Variants in IPO7 observed in about 807,000 individuals in gnomAD.
IPO7 encodes the protein importin 7, also known as importin-7.
A neutral mutation model predicts 136.4 loss-of-function variants in IPO7; 13 were observed. The observed-to-expected ratio is 0.10, with a 90% confidence interval of 0.06 to 0.15. IPO7 has a LOEUF of 0.15. IPO7 is among the 10% of genes least tolerant of loss of function. IPO7 has a pLI of 1.00. For missense variants in IPO7, 857 were observed against 1,240.6 expected, an observed-to-expected ratio of 0.69 and a Z score of 4.65; for synonymous variants, 403 against 404.4, an observed-to-expected ratio of 1.00 and a Z score of 0.04.
chr11:9,399,457 G>T (rs944003914), intron 1 of IPO7, among the ~76,000 whole-genome samples: 1 of 152,028 alleles, frequency 6.6e-6, no homozygotes, highest in Non-Finnish European at 1.5e-5. Context: ...CACCGCGCCC[G>T]GCAGCATTTT....
At chr11:9,391,049 C>A (rs1854625934) in intron 1 of IPO7, among the ~76,000 whole-genome samples, 1 of 152,110 alleles carries the variant, frequency 6.6e-6, no homozygotes, top group Admixed American at 6.5e-5. Flanking sequence ...GGATTACAGG[C>A]ATGAATCACA....
In IPO7 at chr11:9,384,697, G is replaced by C; in HGVS notation, c.-67G>C. On this transcript the variant is annotated 5_prime_UTR_variant, in exon 1 of 25. Transcript: ENST00000379719. ...TGCGGAGCGCGGCGGGTCCATGTGCGCAGTGAGTGGCGCTATTCCTGGCCC... is the reference window on the plus strand; with the variant it reads ...TGCGGAGCGCGGCGGGTCCATGTGCCCAGTGAGTGGCGCTATTCCTGGCCC... The C allele has an allele frequency of 7.5e-7, 1 of 1,327,764 alleles. No individual in the cohort carries two copies. Among genetic ancestry groups the C allele is most frequent in the East Asian group, 2.7e-5 (1 of 37,588 alleles). 82.2% of individuals were successfully genotyped at this position (1,327,764 alleles called of 1,614,324 possible). A position where few individuals can be genotyped will look rare whatever the true frequency, so the allele number is the denominator to read the frequency against.
intron 24 of IPO7, among the ~76,000 whole-genome samples, chr11:9,444,827 ACT>A (rs1185691660): frequency 1.4e-5 from 2 of 142,470 alleles, no homozygotes; most frequent in Non-Finnish European, 3.0e-5. Context: ...ACAGAGCCAG[ACT>A]CTGTCTCAAA....
chr11:9,432,468 A>G (rs1028820431), intron 16 of IPO7, among the ~76,000 whole-genome samples: 2 of 152,136 alleles, frequency 1.3e-5, no homozygotes, highest in Non-Finnish European at 1.5e-5. Flanking sequence ...CCCAAAGTGC[A>G]GAAATTACAG....
At chr11:9,389,127 C>T (rs1348764455) in intron 1 of IPO7, among the ~76,000 whole-genome samples, 1 of 151,804 alleles carries the variant, frequency 6.6e-6, no homozygotes, top group Non-Finnish European at 1.5e-5. Flanking sequence ...GATCTTGGCT[C>T]ACTGTAGCCT....
At chr11:9,438,629 T>TA (rs199574856) in intron 22 of IPO7, among the ~76,000 whole-genome samples, 11 of 150,568 alleles carry the variant, frequency 7.3e-5, no homozygotes, top group East Asian at 1.9e-4. Context: ...CATCTCAGAT[T>TA]AAAAAAAAAT....
At chr11:9,436,199 A>G (rs1039121272) in intron 19 of IPO7, 72 bp from the exon 20 acceptor site, 4 of 1,027,434 alleles carry the variant, frequency 3.9e-6, no homozygotes, top group Non-Finnish European at 6.1e-6. Context: ...AGGGTAGGAA[A>G]TTGTTTCCTT....
chr11:9,426,338 T>C (rs906863999), intron 12 of IPO7, among the ~76,000 whole-genome samples: 2 of 152,370 alleles, frequency 1.3e-5, no homozygotes, highest in East Asian at 1.9e-4. Flanking sequence ...ATCTGTGTTA[T>C]AGCAGGTTTC....
rs765192035 is a variant in IPO7 at position 9,440,569 on chromosome 11, C to T, written c.2810C>T (p.Ala937Val). ...GATGAAGATTGGGAAGAAGATGATG[C>T]TGAAGAGACTGCTCTGGAAGGCTAT... ...GDDEDWEEDD[A>V]EETALEGYST... is the part of the protein sequence containing the mutation. Residue 937 changes from alanine (A) to valine (V), a missense_variant, in exon 23 of 25, where the codon GCT (alanine) becomes GTT (valine). Physicochemically the swap from Ala to Val is moderately conservative, Grantham distance 64. Around this residue, in one of 11 missense-constraint regions of IPO7, gnomAD observed 119 missense variants for 155.5 expected, o/e 0.77. Transcript: ENST00000379719. 6.2e-7 allele frequency: 1 copy of T among 1,613,810 alleles called. No homozygotes were observed. Among genetic ancestry groups the T allele is most frequent in the Non-Finnish European group, 8.5e-7 (1 of 1,179,744 alleles).
intron 1 of IPO7, among the ~76,000 whole-genome samples, chr11:9,401,231 T>C (rs1854791189): frequency 6.6e-6 from 1 of 151,566 alleles, no homozygotes; most frequent in African/African-American, 2.4e-5. Context: ...ATTGTTCATG[T>C]GAACATGTGT....
chr11:9,407,450 A>T (rs576131506), intron 2 of IPO7, among the ~76,000 whole-genome samples: 1 of 152,222 alleles, frequency 6.6e-6, no homozygotes, highest in South Asian at 2.1e-4. Context: ...GCTACTCGGG[A>T]GGCTGAGGCA....
intron 12 of IPO7, 60 bp downstream of exon 12, chr11:9,425,322 C>A: frequency 9.9e-7 from 1 of 1,013,476 alleles, no homozygotes; most frequent in Non-Finnish European, 1.6e-6. Flanking sequence ...AAATAAATAG[C>A]CAGCCAGGCA....
At chr11:9,421,888 G>T (rs1392728948) in intron 8 of IPO7, among the ~76,000 whole-genome samples, 5 of 152,076 alleles carry the variant, frequency 3.3e-5, no homozygotes, top group Admixed American at 3.3e-4. Flanking sequence ...AGCTTGCGGT[G>T]CGCAGAGATC....
chr11:9,409,173 A>G (rs1023698517), intron 3 of IPO7, among the ~76,000 whole-genome samples: 2 of 150,868 alleles, frequency 1.3e-5, no homozygotes, highest in Non-Finnish European at 2.9e-5. Context: ...AGGTGGCGCA[A>G]TCTCGGCTCG....
At chr11:9,418,243 T>C (rs1057469931) in intron 6 of IPO7, among the ~76,000 whole-genome samples, 3 of 148,510 alleles carry the variant, frequency 2.0e-5, no homozygotes, top group South Asian at 2.1e-4. Flanking sequence ...CTAACTTTTT[T>C]TATTTTTCAT....
At position 9,429,802 on chromosome 11, in the gene IPO7, A is replaced by T. The variant is rs780713401; in HGVS notation, c.1720A>T (p.Thr574Ser). The change falls in exon 15 of 25, where the codon ACT becomes TCT. Residue 574 changes from threonine (T) to serine (S), a missense_variant. Physicochemically the swap from Thr to Ser is moderately conservative, Grantham distance 58. Coordinates refer to ENST00000379719, the MANE Select transcript of IPO7 (RefSeq NM_006391.3). Reference sequence around the variant, plus strand: ...GATCTGTGAATATAGTGAAGAAGTTACTCCTATTGCAGTAGAAATGACACA... The same window carrying T: ...GATCTGTGAATATAGTGAAGAAGTTTCTCCTATTGCAGTAGAAATGACACA... ...KMICEYSEEVTPIAVEMTQHL... is the reference protein window; with the variant it reads ...KMICEYSEEVSPIAVEMTQHL... 6.3e-7 allele frequency: 1 copy of T among 1,598,898 alleles called. No individual in the cohort carries two copies. Among genetic ancestry groups the T allele is most frequent in the African/African-American group, 1.4e-5 (1 of 74,052 alleles).
chr11:9,428,556 A>G lies in IPO7; in HGVS notation c.1352A>G (p.Asp451Gly). The stretch of plus-strand genomic sequence containing the variant: ...TATTTACAGAAAAAGATCTATAAAG[A>G]TCAGATGGAATACATGTTGCAGAAT... ...EILLKKKIYK[D>G]QMEYMLQNHV... The change falls in exon 13 of 25, where the codon GAT becomes GGT. Residue 451 changes from aspartate to glycine, a missense_variant. By Grantham distance (94) the Asp-to-Gly change is moderately conservative. Coordinates refer to ENST00000379719, the MANE Select transcript of IPO7 (RefSeq NM_006391.3). 1.3e-6 allele frequency: 2 copies of G among 1,509,322 alleles called. No individual in the cohort carries two copies. The highest frequency in any genetic ancestry group is 1.8e-6 in the Non-Finnish European group (2 of 1,097,250). 93.5% of individuals were successfully genotyped at this position (1,509,322 alleles called of 1,614,324 possible). A position where few individuals can be genotyped will look rare whatever the true frequency, so the allele number is the denominator to read the frequency against.
rs1281601032 is a variant in IPO7 at position 9,429,031 on chromosome 11, G to T, written c.1426G>T (p.Ala476Ser). ...GTAACTCACTGTGTTTTTACAAAAGGCTTGCTGGGTACTTCACTATTTTTG... is the reference window on the plus strand; with the variant it reads ...GTAACTCACTGTGTTTTTACAAAAGTCTTGCTGGGTACTTCACTATTTTTG... ...SSELGYMRAR[A>S]CWVLHYFCEV... Residue 476 changes from alanine to serine, a missense_variant and splice_region_variant, in exon 14 of 25, where the codon GCT becomes TCT. Physicochemically the swap from Ala to Ser is moderately conservative, Grantham distance 99. This residue lies in a region of IPO7 where 127 missense variants were observed against 222.4 expected (regional missense o/e 0.57). Coordinates refer to ENST00000379719, the MANE Select transcript of IPO7 (RefSeq NM_006391.3). The T allele has an allele frequency of 1.2e-6, 2 of 1,613,010 alleles. No individual in the cohort carries two copies. The highest frequency in any genetic ancestry group is 1.7e-5 in the Admixed American group (1 of 59,924).
chr11:9,434,821 T>G, intron 18 of IPO7, 113 bp from the exon 19 acceptor site: 13 of 705,318 alleles, frequency 1.8e-5, no homozygotes, highest in Middle Eastern at 7.8e-4. Flanking sequence ...AAAAGGTGAA[T>G]GTTAGAGACA....
Sources: gnomAD v4.1 joint callset for allele counts (sites outside exome capture counted in the v4.1 genomes callset) on GRCh38, gnomAD v4.1.1 for gene constraint, gnomAD v4.1.1 regional missense constraint, MANE v1.5 for transcripts, NCBI Gene and HGNC (gene_info 2026-07-23, HGNC 2026-07-21) for gene names.